Variants in SPMIP11 observed in about 807,000 individuals in gnomAD.
SPMIP11 encodes the protein long intergenic non-protein coding RNA 935.
At chr12:48,736,242 C>A in the SPMIP11 span, 1 of 322,226 alleles carries the variant, frequency 3.1e-6, no homozygotes. Flanking sequence ...CGTCTCTACC[C>A]CGCAAAAAAA....
At chr12:48,746,245 A>G in the SPMIP11 span, among the ~76,000 whole-genome samples, 1 of 152,160 alleles carries the variant, frequency 6.6e-6, no homozygotes. Context: ...AATTTAGACC[A>G]ACATCTAAAA....
chr12:48,754,716 C>T, the SPMIP11 span, among the ~76,000 whole-genome samples: 1 of 151,948 alleles, frequency 6.6e-6, no homozygotes, highest in East Asian at 1.9e-4. Context: ...TCCCAAAGTG[C>T]TGGGATTACA....
chr12:48,749,676 G>A, the SPMIP11 span, among the ~76,000 whole-genome samples: 1 of 133,340 alleles, frequency 7.5e-6, no homozygotes, highest in Non-Finnish European at 1.6e-5. Flanking sequence ...TGTTTTTTCT[G>A]TCTCTGGTTC....
the SPMIP11 span, among the ~76,000 whole-genome samples, chr12:48,731,180 G>C: frequency 6.6e-6 from 1 of 151,956 alleles, no homozygotes; most frequent in South Asian, 2.1e-4. Context: ...GAATTCAAAT[G>C]TCAGTTGGGC....
chr12:48,751,383 G>A, the SPMIP11 span, among the ~76,000 whole-genome samples: 37 of 151,558 alleles, frequency 2.4e-4, no homozygotes, highest in African/African-American at 8.7e-4. Flanking sequence ...GGAGGCTTAG[G>A]CAAAAGGATC....
chr12:48,764,975 C>T, the SPMIP11 span: 2 of 702,574 alleles, frequency 2.8e-6, no homozygotes, highest in African/African-American at 1.7e-5. Context: ...GCCATTGTCT[C>T]ATAAAAAGCG....
At chr12:48,755,335 G>A in the SPMIP11 span, among the ~76,000 whole-genome samples, 1 of 152,130 alleles carries the variant, frequency 6.6e-6, no homozygotes, top group African/African-American at 2.4e-5. Context: ...AGAGCATGGC[G>A]TTAACTGGGT....
At chr12:48,749,301 A>C in the SPMIP11 span, among the ~76,000 whole-genome samples, 1 of 147,062 alleles carries the variant, frequency 6.8e-6, no homozygotes. Flanking sequence ...AAAACCCCTC[A>C]TTTCCTATTT....
chr12:48,768,854 C>T, the SPMIP11 span: 1 of 1,553,600 alleles, frequency 6.4e-7, no homozygotes, highest in South Asian at 1.2e-5. Context: ...GCCACCCTAC[C>T]CCTGTCCTAG....
the SPMIP11 span, among the ~76,000 whole-genome samples, chr12:48,760,883 A>C: frequency 2.0e-5 from 3 of 152,186 alleles, no homozygotes; most frequent in African/African-American, 7.2e-5. Flanking sequence ...CTATTGTTTT[A>C]CTAATCTTTC....
At chr12:48,745,315 T>A in the SPMIP11 span, among the ~76,000 whole-genome samples, 13 of 151,532 alleles carry the variant, frequency 8.6e-5, no homozygotes, top group African/African-American at 3.1e-4. Flanking sequence ...TTTCTTAGCA[T>A]AATAAACACC....
chr12:48,749,313 T>C, the SPMIP11 span, among the ~76,000 whole-genome samples: 50,024 of 150,438 alleles, frequency 0.33, 9,467 homozygotes, highest in Non-Finnish European at 0.45. Context: ...TTCCTATTTC[T>C]CTGTTCCCCG....
the SPMIP11 span, among the ~76,000 whole-genome samples, chr12:48,731,396 C>T: frequency 6.6e-6 from 1 of 151,916 alleles, no homozygotes. Flanking sequence ...GAGGCTGAGG[C>T]AGGAGAATGG....
chr12:48,760,751 T>C, the SPMIP11 span, among the ~76,000 whole-genome samples: 4 of 152,068 alleles, frequency 2.6e-5, no homozygotes, highest in Non-Finnish European at 4.4e-5. Flanking sequence ...GGTCTCGAAC[T>C]CCTGATCTCA....
At chr12:48,753,008 C>G in the SPMIP11 span, among the ~76,000 whole-genome samples, 2 of 152,108 alleles carry the variant, frequency 1.3e-5, no homozygotes, top group African/African-American at 4.8e-5. Context: ...TGACACTCCT[C>G]TTGGTCCAGG....
the SPMIP11 span, among the ~76,000 whole-genome samples, chr12:48,739,518 A>C: frequency 1.3e-5 from 2 of 152,158 alleles, no homozygotes; most frequent in Non-Finnish European, 2.9e-5. Context: ...AGACTGAGTA[A>C]TTATAAAGAA....
the SPMIP11 span, among the ~76,000 whole-genome samples, chr12:48,746,033 C>G: frequency 6.6e-6 from 1 of 152,118 alleles, no homozygotes; most frequent in Non-Finnish European, 1.5e-5. Context: ...ATTGTGCCAG[C>G]CACTGTGTAA....
the SPMIP11 span, among the ~76,000 whole-genome samples, chr12:48,730,649 A>C: frequency 6.6e-6 from 1 of 152,232 alleles, no homozygotes; most frequent in South Asian, 2.1e-4. Context: ...AAGAAAACTG[A>C]GGCTCAGGCC....
At chr12:48,749,055 A>G in the SPMIP11 span, among the ~76,000 whole-genome samples, 32 of 151,976 alleles carry the variant, frequency 2.1e-4, no homozygotes, top group Non-Finnish European at 4.6e-4. Context: ...TGAGGCCAGG[A>G]GTTCAAGACC....
Sources: allele counts gnomAD v4.1 joint callset (sites outside exome capture counted in the v4.1 genomes callset), GRCh38; gene constraint gnomAD v4.1.1; transcripts MANE v1.5; gene names NCBI Gene and HGNC (gene_info 2026-07-23, HGNC 2026-07-21).